Variants in THSD7A observed in about 807,000 individuals in gnomAD.
The protein encoded by THSD7A is thrombospondin type 1 domain containing 7A.
THSD7A carries 96 observed loss-of-function variants against 231.3 expected under a neutral mutation model. The observed-to-expected ratio is 0.41, with a 90% CI of 0.35 to 0.49. The LOEUF is 0.49. Among genes scored for constraint, THSD7A ranks in the 20% least tolerant of loss-of-function variants. The probability of loss-of-function intolerance (pLI) is 0.05; values close to 1 mark genes in which losing one functional copy is unlikely to be tolerated. For synonymous variants in THSD7A, 940 were observed against 743.3 expected (o/e 1.26, Z -4.30); for missense variants, 2,290 against 2,070.2 (o/e 1.11, Z -2.06).
chr7:11,769,153 A>ATATATTTTT, intron 1 of THSD7A, among the ~76,000 whole-genome samples: 2 of 27,662 alleles, frequency 7.2e-5, no homozygotes, highest in Admixed American at 6.0e-4. Context: ...ATATATATAT[A>ATATATTTTT]TTTTTTTTTT....
At chr7:11,493,777 G>C (rs1468617076) in intron 6 of THSD7A, among the ~76,000 whole-genome samples, 1 of 152,006 alleles carries the variant, frequency 6.6e-6, no homozygotes, top group Non-Finnish European at 1.5e-5. Context: ...AAGTAAACCA[G>C]ACTGGACTCT....
chr7:11,759,402 A>T (rs1430164524), intron 1 of THSD7A, among the ~76,000 whole-genome samples: 8 of 152,084 alleles, frequency 5.3e-5, no homozygotes, highest in Admixed American at 5.3e-4. Flanking sequence ...AGAAGAGATA[A>T]TAAGTTGAAA....
chr7:11,669,164 T>C (rs1429196997), intron 1 of THSD7A, among the ~76,000 whole-genome samples: 3 of 152,144 alleles, frequency 2.0e-5, no homozygotes, highest in Non-Finnish European at 4.4e-5. Flanking sequence ...TATGAATTCA[T>C]TCATTTATAA....
chr7:11,573,044 G>A (rs1358451374), intron 4 of THSD7A, among the ~76,000 whole-genome samples: 1 of 152,062 alleles, frequency 6.6e-6, no homozygotes, highest in Non-Finnish European at 1.5e-5. Context: ...GATTTTATTT[G>A]CATTAGAGCT....
intron 4 of THSD7A, among the ~76,000 whole-genome samples, chr7:11,587,060 A>G (rs764977437): frequency 2.0e-5 from 3 of 152,214 alleles, no homozygotes; most frequent in Non-Finnish European, 4.4e-5. Context: ...ACTTAAAAAC[A>G]TGTTCAATCT....
chr7:11,487,214 G>C (rs532864098), intron 6 of THSD7A, among the ~76,000 whole-genome samples: 1 of 151,768 alleles, frequency 6.6e-6, no homozygotes, highest in East Asian at 1.9e-4. Flanking sequence ...CTTTTTATTC[G>C]ACTGTATCTC....
intron 5 of THSD7A, among the ~76,000 whole-genome samples, chr7:11,542,081 A>T (rs73068966): frequency 2.3e-3 from 351 of 152,354 alleles, no homozygotes; most frequent in Non-Finnish European, 3.9e-3. Flanking sequence ...CAGCAATGTC[A>T]CATGATTAAA....
intron 1 of THSD7A, among the ~76,000 whole-genome samples, chr7:11,715,085 T>C (rs932745205): frequency 6.6e-5 from 10 of 151,426 alleles, no homozygotes; most frequent in South Asian, 2.1e-4. Context: ...GGATCAGGAA[T>C]TGAACATACT....
intron 1 of THSD7A, among the ~76,000 whole-genome samples, chr7:11,783,920 C>A (rs1783707571): frequency 6.6e-6 from 1 of 151,938 alleles, no homozygotes; most frequent in African/African-American, 2.4e-5. Context: ...AAAAGAAAAT[C>A]CCCTTTTGTC....
intron 6 of THSD7A, among the ~76,000 whole-genome samples, chr7:11,528,437 G>T (rs1788567259): frequency 6.6e-6 from 1 of 152,042 alleles, no homozygotes; most frequent in African/African-American, 2.4e-5. Context: ...TGCCTCGACT[G>T]GGAGGTAAGA....
chr7:11,612,923 C>A (rs1040258855), intron 2 of THSD7A, among the ~76,000 whole-genome samples: 21 of 152,166 alleles, frequency 1.4e-4, no homozygotes, highest in African/African-American at 5.1e-4. Context: ...GTAAGGAGGG[C>A]AGGACCGTTT....
At position 11,444,370 on chromosome 7, in the gene THSD7A, G is replaced by A. The variant is rs1348848542; in HGVS notation, c.3064+1691C>T. On this transcript the variant is annotated intron_variant, in intron 13 of 27. Coordinates refer to ENST00000423059, the MANE Select transcript of THSD7A (RefSeq NM_015204.3). This position sits in a 1 kb window ranked among gnomAD's most constrained non-coding sequence, Gnocchi z 4.2. Reference sequence around the variant, plus strand: ...GCACACGTATGTTTACTGTGGCACTGTTCACAATAGCAAAGACTCGGAACC... The same window carrying A: ...GCACACGTATGTTTACTGTGGCACTATTCACAATAGCAAAGACTCGGAACC... Among the ~76,000 whole-genome samples the A allele has an allele frequency of 1.3e-5, 2 of 152,040 alleles. No individual in the cohort carries two copies. Among genetic ancestry groups the A allele is most frequent in the African/African-American group, 4.8e-5 (2 of 41,420 alleles).
chr7:11,760,287 A>G (rs1194156270), intron 1 of THSD7A, among the ~76,000 whole-genome samples: 2 of 152,128 alleles, frequency 1.3e-5, no homozygotes, highest in South Asian at 2.1e-4. Flanking sequence ...AAGAATAAAT[A>G]TAATGTTTGT....
chr7:11,541,343 A>T, intron 6 of THSD7A, 76 bp downstream of exon 6: 1 of 1,396,096 alleles, frequency 7.2e-7, no homozygotes, highest in South Asian at 1.2e-5. Flanking sequence ...GAGAAGACAC[A>T]GGATTTTAAC....
At chr7:11,820,888 A>C (rs1184392828) in intron 1 of THSD7A, 7 of 880,836 alleles carry the variant, frequency 7.9e-6, no homozygotes, top group Non-Finnish European at 1.3e-5. Context: ...GAGTGGCTGG[A>C]GTCTCGGGAA....
chr7:11,819,576 C>G (rs142661117), intron 1 of THSD7A, among the ~76,000 whole-genome samples: 1 of 152,096 alleles, frequency 6.6e-6, no homozygotes, highest in Non-Finnish European at 1.5e-5. Flanking sequence ...AGGCTACATA[C>G]GGTATGATTC....
intron 1 of THSD7A, among the ~76,000 whole-genome samples, chr7:11,758,010 C>CATATAT (rs3037680): frequency 0.079 from 11,214 of 142,434 alleles, 518 homozygotes; most frequent in Non-Finnish European, 0.12. Context: ...CATATGCATT[C>CATATAT]ATATATATAT....
chr7:11,784,790 A>G (rs1783736067), intron 1 of THSD7A, among the ~76,000 whole-genome samples: 1 of 152,056 alleles, frequency 6.6e-6, no homozygotes, highest in Non-Finnish European at 1.5e-5. Flanking sequence ...GAAATTTTTG[A>G]ATATATATTG....
chr7:11,768,454 C>T (rs544640543), intron 1 of THSD7A, among the ~76,000 whole-genome samples: 2 of 152,272 alleles, frequency 1.3e-5, no homozygotes, highest in East Asian at 3.9e-4. Context: ...TAGGAGTCGA[C>T]AGAGATAGGA....
Sources: allele counts gnomAD v4.1 joint callset (sites outside exome capture counted in the v4.1 genomes callset), GRCh38; gene constraint gnomAD v4.1.1; non-coding constraint Gnocchi (gnomAD v3.1); transcripts MANE v1.5; gene names NCBI Gene and HGNC (gene_info 2026-07-23, HGNC 2026-07-21).